RSU1: variants seen among roughly 807,000 people sequenced by gnomAD.
RSU1 encodes rsu-1.
In RSU1, 26 loss-of-function variants were observed where a neutral mutation model predicts 31.1. The ratio of observed to expected loss-of-function variants is 0.84; its 90% confidence interval spans 0.61 to 1.16. RSU1 has a LOEUF of 1.16. RSU1 is among the 50% of genes most tolerant of loss of function. The probability of loss-of-function intolerance (pLI) is 0.00; values close to 1 mark genes in which losing one functional copy is unlikely to be tolerated. For missense variants in RSU1, 320 were observed against 339.1 expected (o/e 0.94, Z 0.44); for synonymous variants, 164 against 136.3 (o/e 1.20, Z -1.41).
At chr10:16,639,110 T>C (rs1190521071) in intron 8 of RSU1, among the ~76,000 whole-genome samples, 1 of 152,252 alleles carries the variant, frequency 6.6e-6, no homozygotes, top group East Asian at 1.9e-4. Context: ...ATTTCTTGGA[T>C]ATCATGTAAA....
intron 2 of RSU1, among the ~76,000 whole-genome samples, chr10:16,787,061 G>T (rs1837806014): frequency 6.6e-6 from 1 of 152,124 alleles, no homozygotes; most frequent in Non-Finnish European, 1.5e-5. Context: ...AGAAGACAGT[G>T]CTTGATGTTT....
intron 8 of RSU1, among the ~76,000 whole-genome samples, chr10:16,668,023 A>T (rs577039984): frequency 6.6e-6 from 1 of 152,226 alleles, no homozygotes; most frequent in Non-Finnish European, 1.5e-5. Context: ...TAATAGAATA[A>T]CTGGTAGACT....
At chr10:16,791,635 C>CAAAAAAA (rs553951655) in intron 2 of RSU1, among the ~76,000 whole-genome samples, 2 of 98,484 alleles carry the variant, frequency 2.0e-5, no homozygotes, top group Non-Finnish European at 4.4e-5. Context: ...CTCAAAAAAA[C>CAAAAAAA]AAAAAAAAAA....
intron 8 of RSU1, among the ~76,000 whole-genome samples, chr10:16,674,508 G>A (rs996715614): frequency 2.0e-5 from 3 of 151,672 alleles, no homozygotes; most frequent in Non-Finnish European, 2.9e-5. Context: ...AGTCCACTAG[G>A]TGCCAGGCAA....
intron 8 of RSU1, among the ~76,000 whole-genome samples, chr10:16,636,393 T>A (rs1330285890): frequency 6.6e-6 from 1 of 152,104 alleles, no homozygotes; most frequent in Non-Finnish European, 1.5e-5. Context: ...TACATCCAAT[T>A]CTTTGCCAAA....
At chr10:16,813,945 C>T (rs545559501) in intron 2 of RSU1, among the ~76,000 whole-genome samples, 1 of 152,314 alleles carries the variant, frequency 6.6e-6, no homozygotes, top group South Asian at 2.1e-4. Flanking sequence ...ACGGGCATCT[C>T]ATATGCTTAG....
At chr10:16,732,572 T>C (rs1836536474) in intron 7 of RSU1, among the ~76,000 whole-genome samples, 1 of 152,162 alleles carries the variant, frequency 6.6e-6, no homozygotes, top group Non-Finnish European at 1.5e-5. Flanking sequence ...CAAAGAACCA[T>C]GAGAAATAAA....
intron 8 of RSU1, among the ~76,000 whole-genome samples, chr10:16,654,044 C>T (rs992913533): frequency 3.3e-5 from 5 of 151,768 alleles, no homozygotes; most frequent in Non-Finnish European, 7.4e-5. Context: ...CTCTTGTCAC[C>T]CAGGCTGGAG....
intron 8 of RSU1, among the ~76,000 whole-genome samples, chr10:16,659,301 C>CTTTTTT (rs869035739): frequency 6.0e-5 from 6 of 100,786 alleles, no homozygotes; most frequent in African/African-American, 1.8e-4. Context: ...AGGTTATATT[C>CTTTTTT]TTTTTTTTTT....
At chr10:16,709,000 T>G (rs1367274031) in intron 7 of RSU1, among the ~76,000 whole-genome samples, 1 of 149,904 alleles carries the variant, frequency 6.7e-6, no homozygotes, top group Non-Finnish European at 1.5e-5. Flanking sequence ...GTCCTTTGGT[T>G]TTTTTTTTTT....
chr10:16,633,115 C>A (rs1257561248), intron 8 of RSU1, among the ~76,000 whole-genome samples: 3 of 152,086 alleles, frequency 2.0e-5, no homozygotes, highest in Non-Finnish European at 2.9e-5. Context: ...TTTATCAGCA[C>A]CCCCGGCTGT....
intron 8 of RSU1, among the ~76,000 whole-genome samples, chr10:16,652,518 C>T (rs998973472): frequency 6.6e-6 from 1 of 151,084 alleles, no homozygotes; most frequent in African/African-American, 2.4e-5. Context: ...ACTGGTTATA[C>T]ACGTTTGTCA....
chr10:16,668,737 T>C (rs1835047407), intron 8 of RSU1, among the ~76,000 whole-genome samples: 1 of 152,146 alleles, frequency 6.6e-6, no homozygotes, highest in Non-Finnish European at 1.5e-5. Context: ...CATTATTAAC[T>C]TTCCTAGATC....
intron 2 of RSU1, among the ~76,000 whole-genome samples, chr10:16,805,666 CAAAA>C (rs35267148): frequency 1.3e-5 from 1 of 78,760 alleles, no homozygotes. Context: ...GACTCCGTCT[CAAAA>C]AAAAAAAAAA....
At chr10:16,801,625 T>C (rs897213018) in intron 2 of RSU1, among the ~76,000 whole-genome samples, 4 of 151,992 alleles carry the variant, frequency 2.6e-5, no homozygotes, top group East Asian at 1.9e-4. Context: ...TTCATAGACA[T>C]AGACCACATT....
intron 8 of RSU1, among the ~76,000 whole-genome samples, chr10:16,671,562 C>T (rs1835105057): frequency 1.3e-5 from 2 of 152,244 alleles, no homozygotes; most frequent in East Asian, 1.9e-4. Flanking sequence ...GATCCTCCCA[C>T]CTCAGCTTCC....
chr10:16,716,765 T>C (rs570789482), intron 7 of RSU1, among the ~76,000 whole-genome samples: 6 of 152,292 alleles, frequency 3.9e-5, no homozygotes, highest in South Asian at 4.1e-4. Context: ...TTGGAGGGTA[T>C]GAAGCGTTAT....
intron 8 of RSU1, among the ~76,000 whole-genome samples, chr10:16,662,902 G>C (rs1834914189): frequency 6.6e-6 from 1 of 151,300 alleles, no homozygotes; most frequent in African/African-American, 2.4e-5. Context: ...GATTAAATTT[G>C]ACTATAGTCC....
intron 3 of RSU1, among the ~76,000 whole-genome samples, chr10:16,780,714 G>T (rs1439218557): frequency 6.6e-6 from 1 of 152,150 alleles, no homozygotes; most frequent in East Asian, 1.9e-4. Context: ...CGTGGTCCAC[G>T]CTTCAAAACA....
Sources: gnomAD v4.1 joint callset for allele counts (sites outside exome capture counted in the v4.1 genomes callset) on GRCh38, gnomAD v4.1.1 for gene constraint, MANE v1.5 for transcripts, NCBI Gene and HGNC (gene_info 2026-07-23, HGNC 2026-07-21) for gene names.